Variants in KIAA2012 observed in about 807,000 individuals in gnomAD.
The protein encoded by KIAA2012 is uncharacterized protein KIAA2012.
A neutral mutation model predicts 150.6 loss-of-function variants in KIAA2012; 125 were observed. The observed-to-expected ratio is 0.83, with a 90% confidence interval of 0.72 to 0.96. KIAA2012 has a LOEUF of 0.96. Among genes scored for constraint, KIAA2012 ranks in the 40% least tolerant of loss-of-function variants. The pLI is 0.00. For synonymous variants in KIAA2012, 462 were observed against 504.7 expected, an observed-to-expected ratio of 0.92 and a Z score of 1.13; for missense variants, 1,219 against 1,354.9, an observed-to-expected ratio of 0.90 and a Z score of 1.57.
chr2:202,174,212 T>A (rs1338571068), intron 15 of KIAA2012, among the ~76,000 whole-genome samples: 2 of 152,048 alleles, frequency 1.3e-5, no homozygotes, highest in Non-Finnish European at 2.9e-5. Context: ...TGATCCACCC[T>A]CCTGGGCCTC....
At chr2:202,114,091 G>A (rs577949011) in intron 11 of KIAA2012, 1 of 152,268 alleles carries the variant, frequency 6.6e-6, no homozygotes, top group African/African-American at 2.4e-5. Flanking sequence ...GCACTCATCT[G>A]GGGGGTTACG....
intron 13 of KIAA2012, among the ~76,000 whole-genome samples, chr2:202,148,512 A>C (rs1176524554): frequency 6.6e-6 from 1 of 152,146 alleles, no homozygotes; most frequent in Non-Finnish European, 1.5e-5. Flanking sequence ...TTTCACCAGC[A>C]CCAAATTCCC....
chr2:202,125,096 A>G, intron 11 of KIAA2012, 118 bp from the exon 12 acceptor site: 1 of 801,260 alleles, frequency 1.2e-6, no homozygotes, highest in South Asian at 1.7e-5. Context: ...GAAACAGTTC[A>G]TTGCAAAGCT....
At position 202,100,596 on chromosome 2, in the gene KIAA2012, G is replaced by A. The variant is rs564873486; in HGVS notation, c.1155+147G>A. ...CTAGCGTCTGAGCTGACCAGGTGGA[G>A]CTGAATAGAGCTGTAGTAATTTACT... On this transcript the variant is annotated intron_variant, in intron 7 of 23. Transcript: ENST00000498697. 652 of 838,774 alleles carry A rather than the reference G, an allele frequency of 7.8e-4. 1 individual carries two copies. In the African/African-American group the frequency reaches 8.7e-3, roughly 11 times the overall value. The allele number at this position is 838,774 out of a possible 1,614,324, so 52.0% of individuals were successfully genotyped here.
rs1218281212 is a variant in KIAA2012, at chr2:202,099,801, G to A, written c.1012+5G>A. On this transcript the variant is annotated splice_donor_5th_base_variant and intron_variant, in intron 6 of 23. Coordinates refer to ENST00000498697, the MANE Select transcript of KIAA2012 (RefSeq NM_001277372.4). ...ATAGGAAGGCAGATCTCAGCGGTAA[G>A]AACTCAAATGTCTTGCTCATTGATC... 6 of 1,546,918 alleles carry A rather than the reference G, an allele frequency of 3.9e-6. No homozygotes were observed. Among genetic ancestry groups the A allele is most frequent in the African/African-American group, 1.4e-5 (1 of 72,876 alleles).
intron 15 of KIAA2012, among the ~76,000 whole-genome samples, chr2:202,168,417 C>CAAAAAAAAAAAA (rs59232782): frequency 1.1e-5 from 1 of 92,176 alleles, no homozygotes; most frequent in Non-Finnish European, 2.3e-5. Flanking sequence ...GACTCTGTCT[C>CAAAAAAAAAAAA]AAAAAAAAAA....
chr2:202,165,384 A>G, intron 15 of KIAA2012, 28 bp downstream of exon 15: 1 of 1,541,416 alleles, frequency 6.5e-7, no homozygotes, highest in Non-Finnish European at 8.8e-7. Flanking sequence ...GGGCTTTATA[A>G]TCTTATAGCC....
Position 202,105,907 on chromosome 2 carries a change from C to A in KIAA2012, c.1471C>A (p.Gln491Lys), listed in dbSNP as rs1186990755. The A allele has an allele frequency of 3.9e-6, 6 of 1,550,804 alleles. No homozygotes were observed. The highest frequency in any genetic ancestry group is 4.4e-6 in the Non-Finnish European group (5 of 1,147,078). The change falls in exon 9 of 24, where the codon CAA (glutamine) becomes AAA (lysine). Residue 491 changes from glutamine to lysine, a missense_variant. Coordinates refer to ENST00000498697, the MANE Select transcript of KIAA2012 (RefSeq NM_001277372.4). ...VDASRDTLSP[Q>K]DDDAPPHDVA... Reference sequence around the variant, plus strand: ...CGCGAGCAGGGACACACTCTCACCTCAAGGTAGCTCCTCCCTCCCTCCAGC... The same window carrying A: ...CGCGAGCAGGGACACACTCTCACCTAAAGGTAGCTCCTCCCTCCCTCCAGC...
chr2:202,189,723 A>G (rs1212431772), intron 18 of KIAA2012, among the ~76,000 whole-genome samples: 2 of 152,132 alleles, frequency 1.3e-5, no homozygotes, highest in East Asian at 1.9e-4. Flanking sequence ...GCAGATTCCC[A>G]CTGAACCAGA....
chr2:202,150,606 G>A (rs542738926), intron 13 of KIAA2012, among the ~76,000 whole-genome samples: 19 of 152,140 alleles, frequency 1.2e-4, no homozygotes, highest in African/African-American at 4.1e-4. Flanking sequence ...GCACCACCAT[G>A]CCTGGTTGAT....
chr2:202,162,333 G>A (rs911389722), intron 14 of KIAA2012, among the ~76,000 whole-genome samples: 3 of 152,058 alleles, frequency 2.0e-5, no homozygotes, highest in Admixed American at 6.6e-5. Flanking sequence ...GGAGTGCAGT[G>A]TTGCGATCTC....
At chr2:202,093,900 G>A (rs1205460229) in intron 4 of KIAA2012, among the ~76,000 whole-genome samples, 1 of 152,190 alleles carries the variant, frequency 6.6e-6, no homozygotes, top group Admixed American at 6.5e-5. Flanking sequence ...AGGGAGATGG[G>A]AAAAGACAAC....
intron 13 of KIAA2012, among the ~76,000 whole-genome samples, chr2:202,147,518 A>C (rs948085020): frequency 1.3e-5 from 2 of 152,194 alleles, no homozygotes; most frequent in African/African-American, 2.4e-5. Context: ...CAGGAAAGTA[A>C]AAGAAAGGAC....
At chr2:202,112,975 T>C (rs1037338350) in intron 10 of KIAA2012, among the ~76,000 whole-genome samples, 5 of 152,106 alleles carry the variant, frequency 3.3e-5, no homozygotes, top group Admixed American at 6.5e-5. Context: ...CAGGAAGCCC[T>C]GTTCTCAGGG....
intron 9 of KIAA2012, among the ~76,000 whole-genome samples, chr2:202,106,273 T>C (rs1005077632): frequency 6.6e-6 from 1 of 152,244 alleles, no homozygotes; most frequent in South Asian, 2.1e-4. Context: ...TGGTTGCAGA[T>C]GTAGAAAAGC....
At position 202,198,489 on chromosome 2, in the gene KIAA2012, G is replaced by T. The variant is rs191564463; in HGVS notation, c.3407+1470G>T. Among the ~76,000 whole-genome samples the T allele has an allele frequency of 1.9e-3, 287 of 152,352 alleles. 3 individuals carry two copies. The highest frequency in any genetic ancestry group is 0.016 in the Admixed American group (240 of 15,300). On this transcript the variant is annotated intron_variant, in intron 22 of 23. Coordinates refer to ENST00000498697, the MANE Select transcript of KIAA2012 (RefSeq NM_001277372.4). ...AGACCAGATCTAACATGAGGGCCTTGTTAGAAGAAAAAGCACAGAATCAAA... is the reference window on the plus strand; with the variant it reads ...AGACCAGATCTAACATGAGGGCCTTTTTAGAAGAAAAAGCACAGAATCAAA...
At chr2:202,163,823 A>C (rs913771245) in intron 14 of KIAA2012, among the ~76,000 whole-genome samples, 2 of 137,454 alleles carry the variant, frequency 1.5e-5, no homozygotes, top group African/African-American at 5.5e-5. Context: ...TACCAGGCCA[A>C]ATTGACTTTG....
rs1244814686 is a variant in KIAA2012, at chr2:202,200,021, C to T, written c.3408-2408C>T. On this transcript the variant is annotated intron_variant, in intron 22 of 23. Transcript: ENST00000498697. ...TCTTGGCTCCCTGCAACCTCTGCCT[C>T]CCCGGTTCAAGCGATTCTCCTGCCT... Among the ~76,000 whole-genome samples, 9 of 149,076 alleles carry T rather than the reference C, an allele frequency of 6.0e-5. No homozygotes were observed. The South Asian group carries it at 1.7e-3, about 28-fold the overall frequency.
chr2:202,083,102 G>C (rs368131781), intron 2 of KIAA2012, among the ~76,000 whole-genome samples: 1 of 152,210 alleles, frequency 6.6e-6, no homozygotes, highest in East Asian at 1.9e-4. Flanking sequence ...TGAATGGTTT[G>C]GTCAGGGATC....
Sources: gnomAD v4.1 joint callset for allele counts (sites outside exome capture counted in the v4.1 genomes callset) on GRCh38, gnomAD v4.1.1 for gene constraint, MANE v1.5 for transcripts, NCBI Gene and HGNC (gene_info 2026-07-23, HGNC 2026-07-21) for gene names.